SPMIP8: variants seen among roughly 807,000 people sequenced by gnomAD.
SPMIP8 encodes the protein testicular tissue protein Li 196.
the SPMIP8 span, chr16:57,987,664 C>T: frequency 1.2e-5 from 5 of 430,802 alleles, no homozygotes; most frequent in South Asian, 6.9e-5. Context: ...CCCCGGCCAA[C>T]TCCTGGAGGA....
chr16:57,985,952 G>T, the SPMIP8 span: 1 of 1,608,700 alleles, frequency 6.2e-7, no homozygotes, highest in Non-Finnish European at 8.5e-7. Context: ...GTAGGGGAAC[G>T]GTCCTGTCCC....
the SPMIP8 span, among the ~76,000 whole-genome samples, chr16:57,981,385 T>C: frequency 2.4e-4 from 34 of 142,580 alleles, no homozygotes; most frequent in Middle Eastern, 0.011. Flanking sequence ...GTCTCAATAA[T>C]AATAATAATT....
the SPMIP8 span, chr16:57,978,063 C>T: frequency 1.3e-6 from 2 of 1,599,902 alleles, no homozygotes; most frequent in Non-Finnish European, 1.7e-6. Context: ...TGTAGGATCC[C>T]CTTTGGGGAA....
chr16:57,984,665 C>G, the SPMIP8 span: 1 of 1,594,042 alleles, frequency 6.3e-7, no homozygotes, highest in Admixed American at 1.8e-5. Flanking sequence ...AGAAGCTTCG[C>G]AACAGGTACC....
the SPMIP8 span, chr16:57,985,262 T>G: frequency 1.3e-6 from 2 of 1,545,066 alleles, no homozygotes; most frequent in Non-Finnish European, 1.7e-6. Context: ...GACCCAGACC[T>G]GGCGGGTAGG....
At chr16:57,978,882 G>T in the SPMIP8 span, among the ~76,000 whole-genome samples, 1 of 152,180 alleles carries the variant, frequency 6.6e-6, no homozygotes, top group Non-Finnish European at 1.5e-5. Flanking sequence ...CTCCCAAAGT[G>T]CTGAGATTAC....
chr16:57,985,137 T>A, the SPMIP8 span: 1 of 1,369,808 alleles, frequency 7.3e-7, no homozygotes, highest in Non-Finnish European at 9.4e-7. Context: ...GGGCGGGGCT[T>A]AGATGAGGAG....
chr16:57,986,111 C>G, the SPMIP8 span: 9 of 767,900 alleles, frequency 1.2e-5, no homozygotes, highest in Middle Eastern at 2.6e-4. Context: ...GAGATCCGCC[C>G]CTGGCAAATG....
chr16:57,983,547 AGT>A, the SPMIP8 span, among the ~76,000 whole-genome samples: 6 of 152,152 alleles, frequency 3.9e-5, no homozygotes, highest in Non-Finnish European at 7.4e-5. Context: ...GAATCTTTGG[AGT>A]TTTATTCTGT....
the SPMIP8 span, among the ~76,000 whole-genome samples, chr16:57,978,853 A>T: frequency 1.3e-5 from 2 of 152,042 alleles, no homozygotes; most frequent in Middle Eastern, 3.2e-3. Flanking sequence ...CTGGGTTCAA[A>T]CGATCCTCCT....
chr16:57,978,542 A>G, the SPMIP8 span, among the ~76,000 whole-genome samples: 6 of 150,556 alleles, frequency 4.0e-5, no homozygotes, highest in Non-Finnish European at 5.9e-5. Context: ...CTCCGTCTCA[A>G]AAAAAAAAGC....
At chr16:57,984,707 C>A in the SPMIP8 span, 1 of 1,599,350 alleles carries the variant, frequency 6.3e-7, no homozygotes, top group Non-Finnish European at 8.5e-7. Context: ...TCGCGCCAGG[C>A]ATCAACCGAG....
At chr16:57,984,601 C>T in the SPMIP8 span, 4 of 1,517,402 alleles carry the variant, frequency 2.6e-6, no homozygotes, top group Non-Finnish European at 8.8e-7. Context: ...CCTGCGGCTA[C>T]GGCCGCGCGG....
the SPMIP8 span, chr16:57,984,692 G>A: frequency 1.9e-6 from 3 of 1,596,256 alleles, no homozygotes; most frequent in East Asian, 2.3e-5. Context: ...GAAAGCTGGC[G>A]CCCATCGCGC....
At chr16:57,984,795 TG>T in the SPMIP8 span, 1 of 1,607,870 alleles carries the variant, frequency 6.2e-7, no homozygotes, top group Non-Finnish European at 8.5e-7. Flanking sequence ...CAAGCTGCCT[TG>T]CCTGAGGAAG....
chr16:57,978,008 G>A, the SPMIP8 span: 3 of 1,614,004 alleles, frequency 1.9e-6, no homozygotes, highest in Admixed American at 3.3e-5. Context: ...TTCCTGATGA[G>A]CACTGCCAGT....
At chr16:57,987,275 G>T in the SPMIP8 span, 1 of 1,016,824 alleles carries the variant, frequency 9.8e-7, no homozygotes, top group Non-Finnish European at 1.3e-6. Flanking sequence ...AGCCACTGAA[G>T]TCTCCTGAGC....
At chr16:57,987,214 G>A in the SPMIP8 span, 1 of 500,642 alleles carries the variant, frequency 2.0e-6, no homozygotes, top group Non-Finnish European at 3.4e-6. Flanking sequence ...GTCAAAGGAG[G>A]GAGGTTAGCT....
the SPMIP8 span, among the ~76,000 whole-genome samples, chr16:57,984,060 T>A: frequency 3.9e-3 from 595 of 152,098 alleles, 3 homozygotes; most frequent in African/African-American, 0.014. Context: ...CTCGCCACCA[T>A]GCCTGGCTAA....
Sources: allele counts gnomAD v4.1 joint callset (sites outside exome capture counted in the v4.1 genomes callset), GRCh38; gene constraint gnomAD v4.1.1; transcripts MANE v1.5; gene names NCBI Gene and HGNC (gene_info 2026-07-23, HGNC 2026-07-21).